The following PREP variants were observed in gnomAD, a reference collection of about 807,000 sequenced individuals.
PREP encodes the protein dJ355L5.1 (prolyl endopeptidase).
PREP carries 29 observed loss-of-function variants against 87.6 expected under a neutral mutation model. The observed-to-expected ratio is 0.33, with a 90% CI of 0.25 to 0.45. The LOEUF is 0.45. Ranked by LOEUF, PREP falls within the 20% of genes least tolerant of loss-of-function variation. The pLI is 1.00. For synonymous variants in PREP, 337 were observed against 328.6 expected, an observed-to-expected ratio of 1.03 and a Z score of -0.28; for missense variants, 695 against 886.5, an observed-to-expected ratio of 0.78 and a Z score of 2.74.
chr6:105,339,091 T>TG (rs1451860716), intron 7 of PREP, among the ~76,000 whole-genome samples: 3 of 152,196 alleles, frequency 2.0e-5, no homozygotes, highest in African/African-American at 7.2e-5. Context: ...CCTCCTAAAG[T>TG]GGGTCCCTGA....
intron 5 of PREP, among the ~76,000 whole-genome samples, chr6:105,370,384 A>G (rs1772504115): frequency 6.6e-6 from 1 of 152,076 alleles, no homozygotes; most frequent in South Asian, 2.1e-4. Context: ...ATAGCACCAA[A>G]TGCTGTCCAC....
chr6:105,293,236 G>GAC (rs1256486012), intron 10 of PREP, among the ~76,000 whole-genome samples: 1 of 152,162 alleles, frequency 6.6e-6, no homozygotes, highest in East Asian at 1.9e-4. Flanking sequence ...AAAGTGAGAT[G>GAC]TGAGAGTCCT....
chr6:105,381,828 A>C (rs1032048192), intron 2 of PREP, among the ~76,000 whole-genome samples: 1 of 150,196 alleles, frequency 6.7e-6, no homozygotes, highest in Non-Finnish European at 1.5e-5. Context: ...ATAGTTAGCA[A>C]TACTATATTG....
At chr6:105,288,722 TA>T in intron 11 of PREP, 35 bp downstream of exon 11, 6 of 1,610,174 alleles carry the variant, frequency 3.7e-6, no homozygotes, top group Non-Finnish European at 5.1e-6. Flanking sequence ...ATGGAAAAGA[TA>T]AAATACTGGC....
chr6:105,295,248 G>A (rs1221667127), intron 10 of PREP, among the ~76,000 whole-genome samples: 1 of 149,404 alleles, frequency 6.7e-6, no homozygotes, highest in Non-Finnish European at 1.5e-5. Flanking sequence ...TCTGCTTGTA[G>A]CTCCTGGTAA....
At chr6:105,396,876 T>G (rs1181578138) in intron 2 of PREP, among the ~76,000 whole-genome samples, 1 of 151,950 alleles carries the variant, frequency 6.6e-6, no homozygotes, top group Non-Finnish European at 1.5e-5. Flanking sequence ...GCAAACTTAA[T>G]TAACTACATA....
chr6:105,387,653 GA>G (rs1444987782), intron 2 of PREP, among the ~76,000 whole-genome samples: 1 of 150,780 alleles, frequency 6.6e-6, no homozygotes, highest in Non-Finnish European at 1.5e-5. Context: ...GAAAAAGAAA[GA>G]AAAAGAAAAA....
chr6:105,388,684 C>T (rs914901472), intron 2 of PREP, among the ~76,000 whole-genome samples: 36 of 152,296 alleles, frequency 2.4e-4, no homozygotes, highest in African/African-American at 8.2e-4. Flanking sequence ...GGTAGTAACA[C>T]GTTTAAGACC....
Position 105,333,405 on chromosome 6 carries a change from A to C in PREP, c.924T>G (p.Ser308=). Reference sequence around the variant, plus strand: ...CAATGTTGATCACGCGATAGTTGGGAGACTGGCGATTCGTCTTGAATGTGA... The same window carrying C: ...CAATGTTGATCACGCGATAGTTGGGCGACTGGCGATTCGTCTTGAATGTGA... The part of the protein sequence containing the change: ...TVFTFKTNRQ[S]PNYRVINIDF... The change falls in exon 8 of 15, where the codon TCT becomes TCG. Residue 308 remains serine (S), a synonymous_variant. Coordinates refer to ENST00000652536, the MANE Select transcript of PREP (RefSeq NM_002726.5). 6.2e-7 allele frequency: 1 copy of C among 1,614,138 alleles called. No individual in the cohort carries two copies. The highest frequency in any genetic ancestry group is 2.2e-5 in the East Asian group (1 of 44,878).
intron 5 of PREP, among the ~76,000 whole-genome samples, chr6:105,372,562 C>A (rs1400204973): frequency 6.6e-6 from 1 of 152,108 alleles, no homozygotes; most frequent in African/African-American, 2.4e-5. Flanking sequence ...GGGAGGAACC[C>A]CTTGAACACA....
chr6:105,287,399 A>G (rs1770210419), intron 11 of PREP, among the ~76,000 whole-genome samples: 1 of 152,054 alleles, frequency 6.6e-6, no homozygotes, highest in South Asian at 2.1e-4. Flanking sequence ...GATGCCACAT[A>G]TATCTTTCGA....
chr6:105,342,460 T>A (rs1771682585), intron 7 of PREP, among the ~76,000 whole-genome samples: 1 of 152,228 alleles, frequency 6.6e-6, no homozygotes, highest in Non-Finnish European at 1.5e-5. Flanking sequence ...GCATTCCCTT[T>A]GAAAACTGGC....
intron 2 of PREP, among the ~76,000 whole-genome samples, chr6:105,388,574 C>T (rs12203543): frequency 3.3e-3 from 499 of 152,212 alleles, no homozygotes; most frequent in Admixed American, 6.5e-3. Context: ...TTATCCCATC[C>T]GGAGATCAGA....
chr6:105,348,109 G>C (rs1321167783), intron 7 of PREP, among the ~76,000 whole-genome samples: 2 of 152,152 alleles, frequency 1.3e-5, no homozygotes, highest in African/African-American at 4.8e-5. Flanking sequence ...CTAGCCTGGT[G>C]TCTTTAATGT....
chr6:105,402,897 G>A lies in PREP; in HGVS notation c.-6C>T, dbSNP rs775958544. The A allele has an allele frequency of 2.5e-5, 37 of 1,509,688 alleles. No homozygotes were observed. In the South Asian group the frequency reaches 4.4e-4, roughly 18 times the overall value. The allele number at this position is 1,509,688 out of a possible 1,614,324, so 93.5% of individuals were successfully genotyped here. ...GGGTACTGAAGGGACAGCATGGCCGGGGACAGGCAGGGGGCAGCGTGGAGG... is the reference window on the plus strand; with the variant it reads ...GGGTACTGAAGGGACAGCATGGCCGAGGACAGGCAGGGGGCAGCGTGGAGG... On this transcript the variant is annotated 5_prime_UTR_variant, in exon 1 of 15. Coordinates refer to ENST00000652536, the MANE Select transcript of PREP (RefSeq NM_002726.5).
At chr6:105,395,917 G>C (rs561532577) in intron 2 of PREP, among the ~76,000 whole-genome samples, 1 of 152,182 alleles carries the variant, frequency 6.6e-6, no homozygotes, top group Non-Finnish European at 1.5e-5. Flanking sequence ...GGTTATGCAG[G>C]TGCATGTGAC....
chr6:105,299,878 C>T (rs1770494776), intron 10 of PREP, among the ~76,000 whole-genome samples: 1 of 151,460 alleles, frequency 6.6e-6, no homozygotes, highest in African/African-American at 2.4e-5. Flanking sequence ...GCCAGAGATG[C>T]TATCCCTTAT....
At chr6:105,371,358 T>G (rs1048478766) in intron 5 of PREP, among the ~76,000 whole-genome samples, 2 of 151,636 alleles carry the variant, frequency 1.3e-5, no homozygotes, top group Non-Finnish European at 2.9e-5. Flanking sequence ...CAAAAAAAAT[T>G]TAGCTAGGCA....
rs1267945877 is a variant in PREP at position 105,276,855 on chromosome 6, T to C, written c.*1289A>G. 1.3e-5 allele frequency among the ~76,000 whole-genome samples: 2 copies of C among 152,182 alleles called. No homozygotes were observed. The highest frequency in any genetic ancestry group is 1.9e-4 in the East Asian group (1 of 5,198). ...ATGAGAGAGTGCTCTTAAAAGCACATACATATACAACTTGGAAGATGGGAC... is the reference window on the plus strand; with the variant it reads ...ATGAGAGAGTGCTCTTAAAAGCACACACATATACAACTTGGAAGATGGGAC... On this transcript the variant is annotated 3_prime_UTR_variant, in exon 15 of 15. Transcript: ENST00000652536.
Sources: gnomAD v4.1 joint callset for allele counts (sites outside exome capture counted in the v4.1 genomes callset) on GRCh38, gnomAD v4.1.1 for gene constraint, MANE v1.5 for transcripts, NCBI Gene and HGNC (gene_info 2026-07-23, HGNC 2026-07-21) for gene names.